FAM149B1: variants seen among roughly 807,000 people sequenced by gnomAD.
The protein encoded by FAM149B1 is family with sequence similarity 149 member B1, also known as primary cilium assembly protein FAM149B1.
A neutral mutation model predicts 75.3 loss-of-function variants in FAM149B1; 56 were observed. The ratio of observed to expected loss-of-function variants is 0.74; its 90% CI spans 0.60 to 0.93. FAM149B1 has a LOEUF of 0.93. Ranked by LOEUF, FAM149B1 falls within the 40% of genes least tolerant of loss-of-function variation. FAM149B1 has a pLI of 0.00. For synonymous variants in FAM149B1, 259 were observed against 256.1 expected (o/e 1.01, Z -0.11); for missense variants, 639 against 708.4 (o/e 0.90, Z 1.11).
chr10:73,204,007 A>G (rs2042996097), intron 5 of FAM149B1, among the ~76,000 whole-genome samples: 2 of 152,190 alleles, frequency 1.3e-5, no homozygotes, highest in African/African-American at 4.8e-5. Context: ...AAATGAAACC[A>G]CTGAATCAAA....
chr10:73,170,299 T>A (rs1313688521), intron 1 of FAM149B1, among the ~76,000 whole-genome samples: 1 of 152,116 alleles, frequency 6.6e-6, no homozygotes, highest in Non-Finnish European at 1.5e-5. Context: ...GCTCAGGAGT[T>A]CAAAACCAGC....
intron 5 of FAM149B1, chr10:73,200,423 G>A: frequency 1.6e-6 from 1 of 610,412 alleles, no homozygotes. Context: ...CTGCATTGGT[G>A]GAACAAATGT....
chr10:73,219,319 T>C (rs1223116805), intron 7 of FAM149B1, among the ~76,000 whole-genome samples: 1 of 152,186 alleles, frequency 6.6e-6, no homozygotes, highest in East Asian at 1.9e-4. Flanking sequence ...ATTGTTAAGA[T>C]GTTAACACTC....
chr10:73,244,409 A>C lies in FAM149B1; in HGVS notation c.*3390A>C, dbSNP rs1479061825. The C allele has an allele frequency of 6.6e-6, 1 of 152,348 alleles. No individual in the cohort carries two copies. The highest frequency in any genetic ancestry group is 1.5e-5 in the Non-Finnish European group (1 of 68,786). 9.4% of individuals were successfully genotyped at this position (152,348 alleles called of 1,614,324 possible). ...CTACTAGGGAGGCTGAGGTGGGAAG[A>C]TGGCTTCAGTCTGAGAGTTCAGGCT... On this transcript the variant is annotated 3_prime_UTR_variant, in exon 14 of 14. Transcript: ENST00000242505.
In FAM149B1 at chr10:73,235,221, A is replaced by T. The variant is rs1354817586; in HGVS notation, c.1505A>T (p.Gln502Leu). Residue 502 changes from glutamine (Q) to leucine (L), a missense_variant, in exon 12 of 14, where the codon CAA becomes CTA. Physicochemically the swap from Gln to Leu is moderately radical, Grantham distance 113. Transcript: ENST00000242505. ...CCCCATGGCGACTCTAGTCGAGCTCAAAGTGCGGTGGTGGATGAACCTAAC... is the reference window on the plus strand; with the variant it reads ...CCCCATGGCGACTCTAGTCGAGCTCTAAGTGCGGTGGTGGATGAACCTAAC... ...MKPHGDSSRA[Q>L]SAVVDEPNYQ... 6.4e-7 allele frequency: 1 copy of T among 1,551,638 alleles called. No homozygotes were observed. The highest frequency in any genetic ancestry group is 1.4e-5 in the African/African-American group (1 of 73,040).
intron 13 of FAM149B1, among the ~76,000 whole-genome samples, chr10:73,240,065 C>T (rs2043907173): frequency 6.6e-6 from 1 of 152,264 alleles, no homozygotes. Flanking sequence ...GCTAGGGCTA[C>T]AAGCAGTGCC....
At position 73,242,736 on chromosome 10, in the gene FAM149B1, T is replaced by C. The variant is rs1031042162; in HGVS notation, c.*1717T>C. 6.6e-6 allele frequency: 1 copy of C among 152,220 alleles called. No individual in the cohort carries two copies. The highest frequency in any genetic ancestry group is 1.5e-5 in the Non-Finnish European group (1 of 68,048). The allele number at this position is 152,220 out of a possible 1,614,324, so 9.4% of individuals were successfully genotyped here. On this transcript the variant is annotated 3_prime_UTR_variant, in exon 14 of 14. Transcript: ENST00000242505. ...TCTATTATAAAGCTGACCAGGGCTA[T>C]TGTTTTCCCCTTTTCTCTCATCCTA... is the stretch of plus-strand genomic sequence containing the variant.
At chr10:73,207,441 G>A (rs527251394) in intron 5 of FAM149B1, among the ~76,000 whole-genome samples, 65 of 152,154 alleles carry the variant, frequency 4.3e-4, no homozygotes, top group Non-Finnish European at 6.5e-4. Context: ...GTGCTCGCCT[G>A]TAATCCCAGC....
intron 7 of FAM149B1, among the ~76,000 whole-genome samples, chr10:73,223,885 C>G (rs1038403299): frequency 6.6e-6 from 1 of 152,112 alleles, no homozygotes; most frequent in Admixed American, 6.5e-5. Flanking sequence ...TAATAATAAA[C>G]CCTGGTAATA....
At chr10:73,183,910 A>C (rs2042460660) in intron 3 of FAM149B1, among the ~76,000 whole-genome samples, 1 of 152,210 alleles carries the variant, frequency 6.6e-6, no homozygotes, top group African/African-American at 2.4e-5. Context: ...CATGTAAGTA[A>C]CAGTAGTAAA....
At chr10:73,240,877 T>C (rs1357314534) in intron 13 of FAM149B1, 69 bp from the exon 14 acceptor site, 3 of 918,694 alleles carry the variant, frequency 3.3e-6, no homozygotes, top group African/African-American at 3.4e-5. Context: ...AAAAAGCCCT[T>C]AGCTATAAAC....
At chr10:73,192,810 T>G in intron 4 of FAM149B1, 112 bp downstream of exon 4, 2 of 1,022,550 alleles carry the variant, frequency 2.0e-6, no homozygotes, top group South Asian at 4.0e-5. Context: ...CTTTAATGAA[T>G]GTAAATAAGG....
At chr10:73,196,126 G>A (rs866941699) in intron 5 of FAM149B1, among the ~76,000 whole-genome samples, 3 of 152,010 alleles carry the variant, frequency 2.0e-5, no homozygotes, top group Non-Finnish European at 2.9e-5. Context: ...TTGTTTTCTG[G>A]TACAGTAGGA....
chr10:73,223,071 G>T (rs572450034), intron 7 of FAM149B1, among the ~76,000 whole-genome samples: 3 of 152,228 alleles, frequency 2.0e-5, no homozygotes, highest in Non-Finnish European at 1.5e-5. Context: ...AGTGAGCTAT[G>T]ACTGTGCTAA....
At chr10:73,232,527 T>A (rs2133404302) in intron 9 of FAM149B1, among the ~76,000 whole-genome samples, 1 of 152,360 alleles carries the variant, frequency 6.6e-6, no homozygotes, top group South Asian at 2.1e-4. Context: ...TGTCTTTCAG[T>A]TGTCTTTCTG....
intron 12 of FAM149B1, among the ~76,000 whole-genome samples, chr10:73,236,413 C>CTTT (rs571460371): frequency 6.0e-5 from 8 of 133,296 alleles, no homozygotes; most frequent in African/African-American, 1.7e-4. Flanking sequence ...CAATTTCTGC[C>CTTT]TTTTTTTTTT....
At chr10:73,240,439 G>A (rs549010254) in intron 13 of FAM149B1, among the ~76,000 whole-genome samples, 35 of 152,038 alleles carry the variant, frequency 2.3e-4, no homozygotes, top group South Asian at 1.7e-3. Context: ...CTGGCTGGGC[G>A]TGGTGGCTCA....
chr10:73,190,442 C>T (rs1023600476), intron 3 of FAM149B1, among the ~76,000 whole-genome samples: 2 of 150,836 alleles, frequency 1.3e-5, no homozygotes, highest in Admixed American at 6.6e-5. Context: ...TGATTCACTG[C>T]GACTACAGGT....
chr10:73,233,443 G>T (rs1357209704), intron 10 of FAM149B1, among the ~76,000 whole-genome samples: 1 of 152,070 alleles, frequency 6.6e-6, no homozygotes, highest in Non-Finnish European at 1.5e-5. Context: ...GGCTCAAGTG[G>T]TTCTCCCACC....
Sources: allele counts gnomAD v4.1 joint callset (sites outside exome capture counted in the v4.1 genomes callset), GRCh38; gene constraint gnomAD v4.1.1; transcripts MANE v1.5; gene names NCBI Gene and HGNC (gene_info 2026-07-23, HGNC 2026-07-21).